CHRM5: variants seen among roughly 807,000 people sequenced by gnomAD.
CHRM5 encodes the protein muscarinic acetylcholine receptor M5.
Under a neutral mutation model 39.0 loss-of-function variants are expected in CHRM5, and 18 were observed. The observed-to-expected ratio is 0.46, with a 90% confidence interval of 0.32 to 0.68. The LOEUF (loss-of-function observed/expected upper bound fraction) is 0.68. CHRM5 is among the 30% of genes least tolerant of loss of function. The pLI is 0.04. For missense variants in CHRM5, 515 were observed against 651.1 expected (o/e 0.79, Z 2.28); for synonymous variants, 241 against 246.3 (o/e 0.98, Z 0.20).
intron 1 of CHRM5, among the ~76,000 whole-genome samples, chr15:33,999,524 C>A (rs1897059554): frequency 6.6e-6 from 1 of 152,198 alleles, no homozygotes. Flanking sequence ...AACTTACACA[C>A]CTCAGTTAAG....
In CHRM5 at chr15:33,990,343, C is replaced by T. The variant is rs1475199547; in HGVS notation, c.-408+21193C>T. On this transcript the variant is annotated intron_variant, in intron 1 of 2. Transcript: ENST00000383263. ...GCTGCAGTGAGCCGAGATCACGCCA[C>T]TGCCCTCCAGCATGGGCGACAGAGT... is the stretch of plus-strand genomic sequence containing the variant. 5.3e-5 allele frequency among the ~76,000 whole-genome samples: 8 copies of T among 152,206 alleles called. No individual in the cohort carries two copies. The East Asian group carries it at 1.5e-3, about 29-fold the overall frequency.
rs1019597442 is a variant in CHRM5 at position 33,968,621 on chromosome 15, A to C, written c.-937A>C. 1 of 152,144 alleles carries C rather than the reference A, an allele frequency of 6.6e-6. No homozygotes were observed. Among genetic ancestry groups the C allele is most frequent in the African/African-American group, 2.4e-5 (1 of 41,452 alleles). 9.4% of individuals were successfully genotyped at this position (152,144 alleles called of 1,614,324 possible). A position where few individuals can be genotyped will look rare whatever the true frequency, so the allele number is the denominator to read the frequency against. ...GGTTACAAAAGCATGAGGAGGACAG[A>C]AGAAATGCCTTCATCTTCTACAGAA... On this transcript the variant is annotated 5_prime_UTR_variant, in exon 1 of 3. Transcript: ENST00000383263.
chr15:34,065,719 C>T lies in CHRM5; in HGVS notation c.*1403C>T, dbSNP rs989319696. 52 of 152,116 alleles carry T rather than the reference C, an allele frequency of 3.4e-4. No individual in the cohort carries two copies. Among genetic ancestry groups the T allele is most frequent in the African/African-American group, 1.2e-3 (48 of 41,422 alleles). The allele number at this position is 152,116 out of a possible 1,614,324, so 9.4% of individuals were successfully genotyped here. A position where few individuals can be genotyped will look rare whatever the true frequency, so the allele number is the denominator to read the frequency against. On this transcript the variant is annotated 3_prime_UTR_variant, in exon 3 of 3. Coordinates refer to ENST00000383263, the MANE Select transcript of CHRM5 (RefSeq NM_012125.4). ...CACACTTAATTGAAATCTCTAAGTG[C>T]GTATAAACAAACGGAATCAAAGGAC...
chr15:34,057,546 C>T (rs988032198), intron 2 of CHRM5, among the ~76,000 whole-genome samples: 24 of 152,316 alleles, frequency 1.6e-4, no homozygotes, highest in African/African-American at 5.1e-4. Context: ...TCATTTAATA[C>T]TTAAAACAAT....
chr15:34,066,195 A>T lies in CHRM5; in HGVS notation c.*1879A>T, dbSNP rs1157451575. On this transcript the variant is annotated 3_prime_UTR_variant, in exon 3 of 3. Coordinates refer to ENST00000383263, the MANE Select transcript of CHRM5 (RefSeq NM_012125.4). ...ATTCGGTGGGAACAGTAATTGGCTC[A>T]GTTCTCCAGCACAGAGGCTTTCGGG... 1 of 152,286 alleles carries T rather than the reference A, an allele frequency of 6.6e-6. No homozygotes were observed. The highest frequency in any genetic ancestry group is 1.5e-5 in the Non-Finnish European group (1 of 68,058). 9.4% of individuals were successfully genotyped at this position (152,286 alleles called of 1,614,324 possible).
At chr15:33,994,480 A>G (rs956182642) in intron 1 of CHRM5, among the ~76,000 whole-genome samples, 9 of 152,200 alleles carry the variant, frequency 5.9e-5, no homozygotes, top group Admixed American at 5.2e-4. Flanking sequence ...TAAATGTAAC[A>G]CGCTTGAATC....
At chr15:34,047,455 G>A (rs997389272) in intron 2 of CHRM5, among the ~76,000 whole-genome samples, 4 of 152,204 alleles carry the variant, frequency 2.6e-5, no homozygotes, top group Non-Finnish European at 4.4e-5. Context: ...CCCCTAGGAA[G>A]AGGGCTGAAA....
chr15:34,023,264 A>G (rs987143223), intron 1 of CHRM5, among the ~76,000 whole-genome samples: 1 of 152,064 alleles, frequency 6.6e-6, no homozygotes, highest in Non-Finnish European at 1.5e-5. Context: ...TCACTTCACA[A>G]TCTGCCAGCT....
intron 2 of CHRM5, among the ~76,000 whole-genome samples, chr15:34,047,108 C>T (rs546518628): frequency 4.7e-5 from 7 of 150,182 alleles, no homozygotes; most frequent in African/African-American, 7.4e-5. Flanking sequence ...GACGGAGTCT[C>T]GTTCTGTCGC....
At chr15:33,991,428 G>A (rs1380761634) in intron 1 of CHRM5, 2 of 151,870 alleles carry the variant, frequency 1.3e-5, no homozygotes, top group Non-Finnish European at 2.9e-5. Context: ...TGATTATTAT[G>A]CATGGCATAC....
rs74782359 is a variant in CHRM5 at position 33,989,181 on chromosome 15, G to T, written c.-408+20031G>T. On this transcript the variant is annotated intron_variant, in intron 1 of 2. Coordinates refer to ENST00000383263, the MANE Select transcript of CHRM5 (RefSeq NM_012125.4). ...AAAAAAGCTAAATAAAAGAGAAGATGAGTTAATGATCATTTATTTTTCTAA... is the reference window on the plus strand; with the variant it reads ...AAAAAAGCTAAATAAAAGAGAAGATTAGTTAATGATCATTTATTTTTCTAA... Among the ~76,000 whole-genome samples, 644 of 152,148 alleles carry T rather than the reference G, an allele frequency of 4.2e-3. 6 individuals carry two copies. Among genetic ancestry groups the T allele is most frequent in the African/African-American group, 0.015 (616 of 41,518 alleles).
intron 1 of CHRM5, among the ~76,000 whole-genome samples, chr15:33,975,659 C>T (rs567300840): frequency 2.0e-5 from 3 of 152,206 alleles, no homozygotes; most frequent in East Asian, 1.9e-4. Flanking sequence ...CAGCTGGGCA[C>T]GGTGGCTCAC....
intron 1 of CHRM5, among the ~76,000 whole-genome samples, chr15:33,997,412 C>T (rs1290483015): frequency 6.6e-6 from 1 of 152,132 alleles, no homozygotes; most frequent in East Asian, 1.9e-4. Flanking sequence ...GATGTTCAAC[C>T]TCAGTAATAA....
At chr15:33,996,996 C>G (rs541315173) in intron 1 of CHRM5, among the ~76,000 whole-genome samples, 3 of 152,098 alleles carry the variant, frequency 2.0e-5, no homozygotes, top group African/African-American at 4.8e-5. Flanking sequence ...GAATAAACAG[C>G]GTAGAGAAGA....
At chr15:34,013,207 G>A (rs989464905) in intron 1 of CHRM5, among the ~76,000 whole-genome samples, 19 of 152,096 alleles carry the variant, frequency 1.2e-4, no homozygotes, top group African/African-American at 3.1e-4. Context: ...GATTACAGGC[G>A]CGCGCCACCA....
At position 34,063,657 on chromosome 15, in the gene CHRM5, A is replaced by C. The variant is rs767306890; in HGVS notation, c.940A>C (p.Lys314Gln). The C allele has an allele frequency of 1.2e-6, 2 of 1,614,176 alleles. No homozygotes were observed. Among genetic ancestry groups the C allele is most frequent in the Admixed American group, 3.3e-5 (2 of 60,018 alleles). The change falls in exon 3 of 3, where the codon AAG becomes CAG. Residue 314 changes from lysine to glutamine, a missense_variant. Transcript: ENST00000383263. This position sits in a 1 kb window ranked among gnomAD's most constrained non-coding sequence, Gnocchi z 4.1. ...SSYPSSEDED[K>Q]PATDPVLQVV... ...CTACCCTTCCTCAGAGGATGAGGAC[A>C]AGCCCGCCACTGACCCTGTCCTCCA...
intron 2 of CHRM5, among the ~76,000 whole-genome samples, chr15:34,050,831 G>A (rs1350670868): frequency 2.0e-5 from 3 of 152,070 alleles, no homozygotes; most frequent in Non-Finnish European, 4.4e-5. Flanking sequence ...CCCAATACAG[G>A]AGCACCCAGA....
chr15:34,062,501 G>C, intron 2 of CHRM5, 142 bp from the exon 3 acceptor site: 1 of 488,758 alleles, frequency 2.0e-6, no homozygotes, highest in Middle Eastern at 5.5e-4. Flanking sequence ...CTTGTAGAGA[G>C]CTGAGATCGC....
At position 34,063,555 on chromosome 15, in the gene CHRM5, A is replaced by G; in HGVS notation, c.838A>G (p.Thr280Ala). The change falls in exon 3 of 3, where the codon ACC (threonine) becomes GCC (alanine). Residue 280 changes from threonine (T) to alanine (A), a missense_variant. Coordinates refer to ENST00000383263, the MANE Select transcript of CHRM5 (RefSeq NM_012125.4). The surrounding 1 kb of genome is among the most constrained non-coding windows in gnomAD (Gnocchi z 4.1). ...GTCATCCTCCCGCAGGAGCACCTCC[A>G]CCACTGGGAAGCCATCCCAAGCCAC... ...SWSSSRRSTSTTGKPSQATGP... is the reference protein window; with the variant it reads ...SWSSSRRSTSATGKPSQATGP... 1 of 1,613,458 alleles carries G rather than the reference A, an allele frequency of 6.2e-7. No individual in the cohort carries two copies. Among genetic ancestry groups the G allele is most frequent in the Non-Finnish European group, 8.5e-7 (1 of 1,179,976 alleles).
Sources: allele counts gnomAD v4.1 joint callset (sites outside exome capture counted in the v4.1 genomes callset), GRCh38; gene constraint gnomAD v4.1.1; non-coding constraint Gnocchi (gnomAD v3.1); transcripts MANE v1.5; gene names NCBI Gene and HGNC (gene_info 2026-07-23, HGNC 2026-07-21).